The following SLC25A26 variants were observed in gnomAD, a reference collection of about 807,000 sequenced individuals.
The protein encoded by SLC25A26 is solute carrier family 25 member 26, also known as mitochondrial S-adenosylmethionine carrier protein.
Under a neutral mutation model 37.8 loss-of-function variants are expected in SLC25A26, and 36 were observed. That is an observed-to-expected ratio of 0.95 (90% CI 0.73 to 1.26). The LOEUF (loss-of-function observed/expected upper bound fraction) is 1.26, where lower values mean the gene tolerates loss of function less well. SLC25A26 is among the 50% of genes most tolerant of loss of function. The probability of loss-of-function intolerance (pLI) is 0.00; values close to 1 mark genes in which losing one functional copy is unlikely to be tolerated. For synonymous variants in SLC25A26, 129 were observed against 122.5 expected, an observed-to-expected ratio of 1.05 and a Z score of -0.35; for missense variants, 390 against 331.1, an observed-to-expected ratio of 1.18 and a Z score of -1.38.
At position 66,346,028 on chromosome 3, in the gene SLC25A26, A is replaced by G. The variant is rs569592562; in HGVS notation, c.454-336A>G. On this transcript the variant is annotated intron_variant, in intron 5 of 9. Coordinates refer to ENST00000354883, the MANE Select transcript of SLC25A26 (RefSeq NM_001379210.1). ...GGCAACATGGTGAAACCCCATCTCTAAAGAAAATATACAAAAATTAGCTGG... is the reference window on the plus strand; with the variant it reads ...GGCAACATGGTGAAACCCCATCTCTGAAGAAAATATACAAAAATTAGCTGG... Among the ~76,000 whole-genome samples, 69 of 152,210 alleles carry G rather than the reference A, an allele frequency of 4.5e-4. 1 individual carries two copies. The highest frequency in any genetic ancestry group is 3.7e-3 in the Admixed American group (57 of 15,292).
intron 5 of SLC25A26, chr3:66,304,438 C>T (rs1269758961): frequency 2.2e-6 from 1 of 456,100 alleles, no homozygotes; most frequent in Non-Finnish European, 4.4e-6. Flanking sequence ...CATATTTTTT[C>T]TTCTATTTTT....
chr3:66,193,802 T>C (rs1046176176), intron 1 of SLC25A26, among the ~76,000 whole-genome samples: 4 of 152,186 alleles, frequency 2.6e-5, no homozygotes, highest in Non-Finnish European at 1.5e-5. Context: ...CTGGCCCCTA[T>C]GCTAAACAAA....
chr3:66,320,801 T>C (rs993227348), intron 5 of SLC25A26, among the ~76,000 whole-genome samples: 1 of 152,222 alleles, frequency 6.6e-6, no homozygotes, highest in African/African-American at 2.4e-5. Flanking sequence ...TATGAACCAG[T>C]TGCATTTTTA....
At chr3:66,309,698 G>A (rs567336032) in intron 5 of SLC25A26, among the ~76,000 whole-genome samples, 2 of 152,244 alleles carry the variant, frequency 1.3e-5, no homozygotes, top group Admixed American at 6.5e-5. Flanking sequence ...ATTCTGGTAT[G>A]TTGTGTCTTT....
intron 5 of SLC25A26, among the ~76,000 whole-genome samples, chr3:66,320,610 A>G (rs1208930842): frequency 6.6e-6 from 1 of 152,060 alleles, no homozygotes; most frequent in African/African-American, 2.4e-5. Flanking sequence ...CTATAAGTGG[A>G]GTTGCTCAGT....
chr3:66,273,203 T>C (rs1403795813), intron 5 of SLC25A26, among the ~76,000 whole-genome samples: 1 of 152,174 alleles, frequency 6.6e-6, no homozygotes, highest in Non-Finnish European at 1.5e-5. Context: ...GCCAGTATTT[T>C]ATTGAGGATT....
At chr3:66,144,194 C>T (rs930407458) in intron 1 of SLC25A26, among the ~76,000 whole-genome samples, 2 of 151,990 alleles carry the variant, frequency 1.3e-5, no homozygotes, top group Non-Finnish European at 2.9e-5. Context: ...CTCTGGGCAG[C>T]GTATCCAAGC....
intron 1 of SLC25A26, among the ~76,000 whole-genome samples, chr3:66,194,685 A>T (rs1444640079): frequency 2.6e-5 from 4 of 152,110 alleles, no homozygotes; most frequent in African/African-American, 2.4e-5. Flanking sequence ...GCTCATCGCA[A>T]CCTCCGCGCC....
At chr3:66,352,271 G>A (rs1266548408) in intron 6 of SLC25A26, among the ~76,000 whole-genome samples, 3 of 151,960 alleles carry the variant, frequency 2.0e-5, no homozygotes, top group Admixed American at 6.6e-5. Flanking sequence ...GTGGCATCTC[G>A]TTAAAAGAAA....
chr3:66,250,256 G>A (rs1481163197), intron 3 of SLC25A26, among the ~76,000 whole-genome samples: 2 of 152,176 alleles, frequency 1.3e-5, no homozygotes, highest in African/African-American at 4.8e-5. Context: ...ACCTAGTGAT[G>A]TGGATTTAGA....
chr3:66,253,258 A>G (rs2073163928), intron 3 of SLC25A26, among the ~76,000 whole-genome samples: 2 of 151,546 alleles, frequency 1.3e-5, no homozygotes, highest in Admixed American at 6.6e-5. Context: ...AAAGCAAAAA[A>G]AAGTTAGTCG....
chr3:66,221,187 C>G, intron 1 of SLC25A26, 60 bp downstream of exon 1: 1 of 1,473,630 alleles, frequency 6.8e-7, no homozygotes, highest in Non-Finnish European at 9.0e-7. Context: ...TTGGAGCCCG[C>G]GGGCGTTCTC....
chr3:66,167,559 TATG>T (rs2070441833), intron 1 of SLC25A26, among the ~76,000 whole-genome samples: 1 of 152,190 alleles, frequency 6.6e-6, no homozygotes, highest in Admixed American at 6.5e-5. Context: ...CAAAGACTAA[TATG>T]ATAACTATAA....
intron 5 of SLC25A26, among the ~76,000 whole-genome samples, chr3:66,332,563 G>A (rs768359501): frequency 6.6e-5 from 10 of 151,988 alleles, no homozygotes; most frequent in Admixed American, 2.6e-4. Context: ...GTGTAATTTG[G>A]CAGCACTTGG....
At chr3:66,202,531 GA>G (rs1177179044) in intron 1 of SLC25A26, among the ~76,000 whole-genome samples, 918 of 86,462 alleles carry the variant, frequency 0.011, 3 homozygotes, top group East Asian at 0.025. Context: ...AAAGTAAAAT[GA>G]AAAAAAAAAA....
At chr3:66,296,048 C>T (rs1053383535) in intron 5 of SLC25A26, among the ~76,000 whole-genome samples, 15 of 151,894 alleles carry the variant, frequency 9.9e-5, no homozygotes, top group African/African-American at 2.7e-4. Flanking sequence ...ACCCGGGAGG[C>T]GGAGGTTGCA....
At chr3:66,160,067 A>G (rs949382113) in intron 1 of SLC25A26, among the ~76,000 whole-genome samples, 3 of 152,014 alleles carry the variant, frequency 2.0e-5, no homozygotes, top group Non-Finnish European at 4.4e-5. Context: ...CAGTGGTGCA[A>G]TCTGGGCTCA....
At chr3:66,189,876 G>T (rs1328311745) in intron 1 of SLC25A26, among the ~76,000 whole-genome samples, 1 of 152,006 alleles carries the variant, frequency 6.6e-6, no homozygotes, top group Non-Finnish European at 1.5e-5. Flanking sequence ...TGTTGCCCAG[G>T]CTGGTCTGGA....
intron 5 of SLC25A26, among the ~76,000 whole-genome samples, chr3:66,305,883 C>T (rs907602667): frequency 6.6e-6 from 1 of 152,236 alleles, no homozygotes. Context: ...GCCACCCCAT[C>T]TTCCACAATG....
Sources: gnomAD v4.1 joint callset for allele counts (sites outside exome capture counted in the v4.1 genomes callset) on GRCh38, gnomAD v4.1.1 for gene constraint, MANE v1.5 for transcripts, NCBI Gene and HGNC (gene_info 2026-07-23, HGNC 2026-07-21) for gene names.